CNTNAP4: variants seen among roughly 807,000 people sequenced by gnomAD.
CNTNAP4 encodes contactin associated protein family member 4, also known as contactin-associated protein-like 4.
Under a neutral mutation model 148.4 loss-of-function variants are expected in CNTNAP4, and 98 were observed. The ratio of observed to expected loss-of-function variants is 0.66; its 90% CI spans 0.56 to 0.78. CNTNAP4 has a LOEUF of 0.78. Among genes scored for constraint, CNTNAP4 ranks in the 30% least tolerant of loss-of-function variants. The pLI is 0.00. For synonymous variants in CNTNAP4, 730 were observed against 565.1 expected, an observed-to-expected ratio of 1.29 and a Z score of -4.14; for missense variants, 1,935 against 1,565.6, an observed-to-expected ratio of 1.24 and a Z score of -3.98.
At chr16:76,374,734 C>G (rs77786321) in intron 3 of CNTNAP4, among the ~76,000 whole-genome samples, 2 of 143,826 alleles carry the variant, frequency 1.4e-5, no homozygotes, top group Non-Finnish European at 3.0e-5. Context: ...ATATACTTGA[C>G]TATGACACTA....
chr16:76,363,461 C>G (rs1263537311), intron 3 of CNTNAP4, among the ~76,000 whole-genome samples: 2 of 152,028 alleles, frequency 1.3e-5, no homozygotes, highest in Non-Finnish European at 2.9e-5. Flanking sequence ...TGCGCCCAGC[C>G]TGGACCCTTA....
chr16:76,349,773 T>G (rs574466621), intron 2 of CNTNAP4, among the ~76,000 whole-genome samples: 1 of 152,172 alleles, frequency 6.6e-6, no homozygotes, highest in Admixed American at 6.5e-5. Context: ...ACTTGTGTTT[T>G]GTGTCCTTGA....
At chr16:76,477,235 T>C (rs1321283317) in intron 11 of CNTNAP4, among the ~76,000 whole-genome samples, 3 of 152,128 alleles carry the variant, frequency 2.0e-5, no homozygotes, top group Non-Finnish European at 4.4e-5. Context: ...TCTGATGAAA[T>C]GGATTGCATG....
chr16:76,300,968 G>A (rs1959900529), intron 1 of CNTNAP4, among the ~76,000 whole-genome samples: 1 of 150,674 alleles, frequency 6.6e-6, no homozygotes, highest in South Asian at 2.1e-4. Flanking sequence ...TTAAGTTTTA[G>A]GGTACTTTTA....
chr16:76,332,184 T>C (rs1344516943), intron 2 of CNTNAP4, among the ~76,000 whole-genome samples: 2 of 152,166 alleles, frequency 1.3e-5, no homozygotes, highest in Non-Finnish European at 2.9e-5. Context: ...TAGAACTCTT[T>C]GGGTTTATCT....
At chr16:76,409,902 T>C (rs1182699250) in intron 3 of CNTNAP4, among the ~76,000 whole-genome samples, 1 of 151,932 alleles carries the variant, frequency 6.6e-6, no homozygotes, top group Non-Finnish European at 1.5e-5. Flanking sequence ...AACACAACAA[T>C]CACAACTGCA....
At chr16:76,391,644 T>C (rs2017006907) in intron 3 of CNTNAP4, among the ~76,000 whole-genome samples, 2 of 152,150 alleles carry the variant, frequency 1.3e-5, no homozygotes, top group East Asian at 3.9e-4. Flanking sequence ...ATCTACCCAA[T>C]CAGAACCTCT....
chr16:76,516,515 A>G (rs180670601), intron 15 of CNTNAP4, among the ~76,000 whole-genome samples: 5 of 152,336 alleles, frequency 3.3e-5, no homozygotes, highest in Admixed American at 1.3e-4. Context: ...GTCTTCCACA[A>G]TGGTTTGCAA....
At chr16:76,374,639 C>T (rs573273965) in intron 3 of CNTNAP4, among the ~76,000 whole-genome samples, 66 of 151,620 alleles carry the variant, frequency 4.4e-4, no homozygotes, top group Non-Finnish European at 8.5e-4. Flanking sequence ...ATTGAATTTC[C>T]GTGTACATTA....
chr16:76,497,345 T>G (rs1286696836), intron 14 of CNTNAP4, among the ~76,000 whole-genome samples: 1 of 152,192 alleles, frequency 6.6e-6, no homozygotes, highest in Non-Finnish European at 1.5e-5. Context: ...CTAAATAGAC[T>G]GTGATAAATT....
intron 3 of CNTNAP4, among the ~76,000 whole-genome samples, chr16:76,400,074 A>G (rs1427618247): frequency 6.6e-6 from 1 of 152,202 alleles, no homozygotes; most frequent in Non-Finnish European, 1.5e-5. Context: ...ATAATACCTT[A>G]TATTTGTACA....
At chr16:76,552,918 G>A (rs1447197773) in intron 21 of CNTNAP4, among the ~76,000 whole-genome samples, 1 of 152,076 alleles carries the variant, frequency 6.6e-6, no homozygotes, top group Non-Finnish European at 1.5e-5. Context: ...TCAAATCCAG[G>A]ATGTACCTCT....
intron 14 of CNTNAP4, among the ~76,000 whole-genome samples, chr16:76,496,027 A>G (rs2082388001): frequency 6.6e-6 from 1 of 151,938 alleles, no homozygotes; most frequent in Non-Finnish European, 1.5e-5. Context: ...ATGTTATATC[A>G]TACATCAAGA....
chr16:76,326,441 G>A (rs142308514), intron 2 of CNTNAP4, among the ~76,000 whole-genome samples: 57 of 152,294 alleles, frequency 3.7e-4, no homozygotes, highest in African/African-American at 1.3e-3. Flanking sequence ...CTTGCTAAGA[G>A]ATGGGAAAAG....
chr16:76,513,986 A>G (rs1269547650), intron 15 of CNTNAP4, among the ~76,000 whole-genome samples: 1 of 152,068 alleles, frequency 6.6e-6, no homozygotes, highest in African/African-American at 2.4e-5. Context: ...AAATAACTGG[A>G]CTCAAATTTT....
intron 3 of CNTNAP4, among the ~76,000 whole-genome samples, chr16:76,373,943 T>C (rs2015145300): frequency 7.0e-6 from 1 of 143,340 alleles, no homozygotes; most frequent in Non-Finnish European, 1.5e-5. Context: ...GAAGCCAAAA[T>C]ACTAAGACAT....
intron 3 of CNTNAP4, among the ~76,000 whole-genome samples, chr16:76,407,997 G>A (rs530389190): frequency 2.6e-5 from 4 of 151,994 alleles, no homozygotes; most frequent in Admixed American, 2.0e-4. Context: ...GATCAATATC[G>A]AGGCAAGAAC....
intron 12 of CNTNAP4, among the ~76,000 whole-genome samples, chr16:76,488,735 C>G (rs1046331844): frequency 6.6e-6 from 1 of 152,134 alleles, no homozygotes; most frequent in African/African-American, 2.4e-5. Flanking sequence ...TTTGATTTAT[C>G]TGTTCTTGTG....
chr16:76,514,390 A>G (rs1426402857), intron 15 of CNTNAP4, among the ~76,000 whole-genome samples: 1 of 152,250 alleles, frequency 6.6e-6, no homozygotes, highest in Non-Finnish European at 1.5e-5. Context: ...TAAATACACA[A>G]GTCTATTTCT....
Sources: allele counts gnomAD v4.1 joint callset (sites outside exome capture counted in the v4.1 genomes callset), GRCh38; gene constraint gnomAD v4.1.1; transcripts MANE v1.5; gene names NCBI Gene and HGNC (gene_info 2026-07-23, HGNC 2026-07-21).